Variants in CMKLR1 observed in about 807,000 individuals in gnomAD.
CMKLR1 encodes chemerin-like receptor 1.
CMKLR1 carries 6 observed loss-of-function variants against 8.2 expected under a neutral mutation model. The observed-to-expected ratio is 0.73, with a 90% confidence interval of 0.40 to 1.44. CMKLR1 has a LOEUF of 1.44. Ranked by LOEUF, CMKLR1 falls within the 40% of genes most tolerant of loss-of-function variation. The pLI, the probability that CMKLR1 is intolerant of heterozygous loss-of-function variation, is 0.02. For missense variants in CMKLR1, 429 were observed against 478.0 expected (o/e 0.90, Z 0.96); for synonymous variants, 178 against 181.2 (o/e 0.98, Z 0.14).
At chr12:108,309,798 A>G (rs372630353) in intron 2 of CMKLR1, among the ~76,000 whole-genome samples, 23 of 152,172 alleles carry the variant, frequency 1.5e-4, no homozygotes, top group Non-Finnish European at 2.9e-4. Context: ...GCCAGTTGCA[A>G]TTTGCCATTG....
chr12:108,297,536 C>T (rs1372661579), intron 2 of CMKLR1, among the ~76,000 whole-genome samples: 3 of 152,186 alleles, frequency 2.0e-5, no homozygotes, highest in African/African-American at 7.2e-5. Context: ...TTAACGTTTG[C>T]TTGATCTCTC....
At chr12:108,328,887 C>G (rs1275650428) in intron 2 of CMKLR1, among the ~76,000 whole-genome samples, 1 of 152,186 alleles carries the variant, frequency 6.6e-6, no homozygotes, top group African/African-American at 2.4e-5. Flanking sequence ...ATCAGCTCTC[C>G]TTTAGGATTA....
chr12:108,323,425 G>A lies in CMKLR1; in HGVS notation c.-74+6570C>T, dbSNP rs555521997. Among the ~76,000 whole-genome samples, 3 of 152,176 alleles carry A rather than the reference G, an allele frequency of 2.0e-5. No homozygotes were observed. The East Asian group carries it at 5.8e-4, about 29-fold the overall frequency. On this transcript the variant is annotated intron_variant, in intron 2 of 3. Coordinates refer to ENST00000550402, the MANE Select transcript of CMKLR1 (RefSeq NM_001142343.2). ...TGGACACAGGCTCCGGTGGGCTGGG[G>A]TTGTCAACCCTTCTGTTTGACATTG...
intron 1 of CMKLR1, among the ~76,000 whole-genome samples, chr12:108,334,845 AGGGAG>A (rs1374712432): frequency 5.3e-5 from 8 of 152,220 alleles, no homozygotes; most frequent in African/African-American, 1.9e-4. Flanking sequence ...GTAGGCTTGT[AGGGAG>A]ATTCAAGTAG....
chr12:108,328,279 G>A (rs760728157), intron 2 of CMKLR1, among the ~76,000 whole-genome samples: 54 of 152,288 alleles, frequency 3.5e-4, no homozygotes, highest in South Asian at 6.2e-4. Context: ...GCCTACAACC[G>A]GCATTTCTTA....
intron 2 of CMKLR1, among the ~76,000 whole-genome samples, chr12:108,299,982 T>G (rs1339833861): frequency 6.6e-6 from 1 of 152,234 alleles, no homozygotes; most frequent in African/African-American, 2.4e-5. Context: ...ATGGCATTTA[T>G]GTGATTATTG....
rs1891021489 is a variant in CMKLR1 at position 108,292,667 on chromosome 12, G to T, written c.296C>A (p.Ala99Asp). The change falls in exon 4 of 4, where the codon GCC becomes GAC. Residue 99 changes from alanine (A) to aspartate (D), a missense_variant. Coordinates refer to ENST00000550402, the MANE Select transcript of CMKLR1 (RefSeq NM_001142343.2). ...NVFLPIHITY[A>D]AMDYHWVFGT... ...GAAAACCCAGTGGTAGTCCATGGCG[G>T]CATAGGTGATATGGATTGGGAGGAA... 6.2e-7 allele frequency: 1 copy of T among 1,614,076 alleles called. No homozygotes were observed. Among genetic ancestry groups the T allele is most frequent in the Non-Finnish European group, 8.5e-7 (1 of 1,180,048 alleles).
rs566596726 is a variant in CMKLR1 at position 108,330,019 on chromosome 12, G to A, written c.-98C>T. The A allele has an allele frequency of 1.3e-5, 2 of 152,272 alleles. No individual in the cohort carries two copies. Among genetic ancestry groups the A allele is most frequent in the Admixed American group, 1.3e-4 (2 of 15,286 alleles). 9.4% of individuals were successfully genotyped at this position (152,272 alleles called of 1,614,324 possible). A position where few individuals can be genotyped will look rare whatever the true frequency, so the allele number is the denominator to read the frequency against. On this transcript the variant is annotated 5_prime_UTR_variant, in exon 2 of 4. Coordinates refer to ENST00000550402, the MANE Select transcript of CMKLR1 (RefSeq NM_001142343.2). ...CATGTCACGCCTCCCATCAAGAAGTGGACTCTATTTCTCCTCCCCTTGAAT... is the reference window on the plus strand; with the variant it reads ...CATGTCACGCCTCCCATCAAGAAGTAGACTCTATTTCTCCTCCCCTTGAAT...
chr12:108,304,316 A>G (rs750958655), intron 2 of CMKLR1, among the ~76,000 whole-genome samples: 2 of 152,156 alleles, frequency 1.3e-5, no homozygotes, highest in African/African-American at 4.8e-5. Context: ...ATATGGATCC[A>G]GGGCCTCACC....
intron 1 of CMKLR1, among the ~76,000 whole-genome samples, chr12:108,337,336 G>T (rs1387773463): frequency 6.6e-6 from 1 of 152,134 alleles, no homozygotes; most frequent in African/African-American, 2.4e-5. Flanking sequence ...CTAAGAGATG[G>T]GACTTCAGTC....
intron 2 of CMKLR1, among the ~76,000 whole-genome samples, chr12:108,314,939 T>G (rs1057439381): frequency 1.3e-5 from 2 of 149,418 alleles, no homozygotes; most frequent in East Asian, 2.0e-4. Context: ...GCCTTGTTTT[T>G]TTTTTTTTTT....
Position 108,291,727 on chromosome 12 carries a change from A to C in CMKLR1, c.*114T>G. On this transcript the variant is annotated 3_prime_UTR_variant, in exon 4 of 4. Coordinates refer to ENST00000550402, the MANE Select transcript of CMKLR1 (RefSeq NM_001142343.2). Reference sequence around the variant, plus strand: ...GCATAAAACACTGTTCATCCCATGCAAAATGCAGTGAAAATTGGTGGATGC... The same window carrying C: ...GCATAAAACACTGTTCATCCCATGCCAAATGCAGTGAAAATTGGTGGATGC... 2 of 1,079,974 alleles carry C rather than the reference A, an allele frequency of 1.9e-6. No individual in the cohort carries two copies. Among genetic ancestry groups the C allele is most frequent in the Non-Finnish European group, 2.7e-6 (2 of 737,020 alleles). 66.9% of individuals were successfully genotyped at this position (1,079,974 alleles called of 1,614,324 possible).
At chr12:108,328,853 G>T (rs1410511811) in intron 2 of CMKLR1, among the ~76,000 whole-genome samples, 1 of 152,168 alleles carries the variant, frequency 6.6e-6, no homozygotes, top group Non-Finnish European at 1.5e-5. Context: ...AAATGGCCTT[G>T]GGCAACCCAA....
chr12:108,329,168 G>A (rs1331285880), intron 2 of CMKLR1, among the ~76,000 whole-genome samples: 1 of 152,248 alleles, frequency 6.6e-6, no homozygotes, highest in East Asian at 1.9e-4. Flanking sequence ...TGAGTTTGGA[G>A]AGGGCAAGGG....
At chr12:108,294,206 CAG>C in intron 2 of CMKLR1, among the ~76,000 whole-genome samples, 1 of 152,204 alleles carries the variant, frequency 6.6e-6, no homozygotes, top group East Asian at 1.9e-4. Flanking sequence ...GACTGAGGCT[CAG>C]AGAAAGAAGC....
intron 2 of CMKLR1, among the ~76,000 whole-genome samples, chr12:108,314,869 T>G (rs1317397): frequency 0.75 from 113,241 of 151,440 alleles, 43,001 homozygotes; most frequent in East Asian, 0.97. Context: ...GGGCTTACCA[T>G]CATGTTCCAT....
chr12:108,310,166 T>C (rs1178103137), intron 2 of CMKLR1, among the ~76,000 whole-genome samples: 2 of 80,076 alleles, frequency 2.5e-5, no homozygotes, highest in Non-Finnish European at 5.2e-5. Flanking sequence ...TTAGGGGCTG[T>C]GTGTGTGTGT....
chr12:108,322,452 C>T (rs920274187), intron 2 of CMKLR1, among the ~76,000 whole-genome samples: 5 of 152,138 alleles, frequency 3.3e-5, no homozygotes, highest in Non-Finnish European at 7.3e-5. Context: ...CCAGCTGTAT[C>T]GTGTGAAAGT....
intron 2 of CMKLR1, among the ~76,000 whole-genome samples, chr12:108,327,442 T>C (rs1892004417): frequency 6.6e-6 from 1 of 152,220 alleles, no homozygotes; most frequent in African/African-American, 2.4e-5. Flanking sequence ...ATTGCGCCAC[T>C]GCACTCCAGC....
Sources: allele counts gnomAD v4.1 joint callset (sites outside exome capture counted in the v4.1 genomes callset), GRCh38; gene constraint gnomAD v4.1.1; transcripts MANE v1.5; gene names NCBI Gene and HGNC (gene_info 2026-07-23, HGNC 2026-07-21).